Variants in TMEM114 observed in about 807,000 individuals in gnomAD.
TMEM114 encodes transmembrane protein 114, also known as claudin-26.
TMEM114 carries 6 observed loss-of-function variants against 6.2 expected under a neutral mutation model. The ratio of observed to expected loss-of-function variants is 0.97; its 90% CI spans 0.53 to 1.91. TMEM114 has a LOEUF of 1.91. Ranked by LOEUF, TMEM114 falls within the 40% of genes most tolerant of loss-of-function variation. TMEM114 has a pLI of 0.01. For missense variants in TMEM114, 218 were observed against 158.3 expected (o/e 1.38, Z -2.02); for synonymous variants, 104 against 73.0 (o/e 1.42, Z -2.16).
the TMEM114 span, among the ~76,000 whole-genome samples, chr16:8,530,407 A>G: frequency 6.6e-6 from 1 of 152,112 alleles, no homozygotes; most frequent in African/African-American, 2.4e-5. Context: ...GGACTAGTCT[A>G]GATTAGTTCT....
Position 8,569,989 on chromosome 16 carries a change from A to C in TMEM114, c.456T>G (p.Ala152=), listed in dbSNP as rs1175458238. 5.8e-6 allele frequency: 9 copies of C among 1,549,752 alleles called. No homozygotes were observed. In the South Asian group the frequency reaches 8.3e-5, roughly 14 times the overall value. Residue 152 remains alanine (A), a synonymous_variant, in exon 4 of 4, where the codon GCT becomes GCG. Coordinates refer to ENST00000620492, the MANE Select transcript of TMEM114 (RefSeq NM_001146336.2). ...AATACGCTATGTAGACGCTGATCCCAGCGAGGGTCACCATGGCTGCAGGGA... is the reference window on the plus strand; with the variant it reads ...AATACGCTATGTAGACGCTGATCCCCGCGAGGGTCACCATGGCTGCAGGGA... ...LFLFGAMVTL[A]GISVYIAYSA... is the part of the protein sequence containing the mutation.
chr16:8,558,704 A>G (rs192201328), intron 2 of TMEM114, among the ~76,000 whole-genome samples: 25 of 151,696 alleles, frequency 1.6e-4, no homozygotes, highest in Non-Finnish European at 2.8e-4. Flanking sequence ...CCCCATTGAC[A>G]GAAGGTGGAA....
chr16:8,531,543 G>A, the TMEM114 span, among the ~76,000 whole-genome samples: 5 of 152,188 alleles, frequency 3.3e-5, no homozygotes, highest in Admixed American at 1.3e-4. Context: ...AGATAGCAGA[G>A]GTAGAAGGGC....
chr16:8,528,191 A>G, the TMEM114 span, among the ~76,000 whole-genome samples: 1 of 152,122 alleles, frequency 6.6e-6, no homozygotes, highest in Non-Finnish European at 1.5e-5. Context: ...TTGAGCCACC[A>G]TGCCAGAACT....
At chr16:8,539,690 C>G (rs1267753841) in intron 2 of TMEM114, among the ~76,000 whole-genome samples, 1 of 151,866 alleles carries the variant, frequency 6.6e-6, no homozygotes, top group Non-Finnish European at 1.5e-5. Context: ...ACAAGCAAGA[C>G]AGATGTTGTT....
chr16:8,566,292 A>C (rs190922439), downstream of TMEM114, among the ~76,000 whole-genome samples: 589 of 151,656 alleles, frequency 3.9e-3, 5 homozygotes, highest in African/African-American at 0.014. Context: ...CAGGAGAATC[A>C]CTTGCACCTG....
chr16:8,534,053 T>C (rs146226823), downstream of TMEM114, among the ~76,000 whole-genome samples: 301 of 152,276 alleles, frequency 2.0e-3, 3 homozygotes, highest in East Asian at 0.022. Context: ...TCTCCCTCCT[T>C]CTGTCCCTGC....
At chr16:8,544,796 C>G (rs1486294219) in intron 2 of TMEM114, among the ~76,000 whole-genome samples, 1 of 152,094 alleles carries the variant, frequency 6.6e-6, no homozygotes, top group Non-Finnish European at 1.5e-5. Flanking sequence ...TTTGTTCAAC[C>G]CAATCAAATT....
downstream of TMEM114, among the ~76,000 whole-genome samples, chr16:8,566,989 C>T (rs146656204): frequency 9.1e-4 from 137 of 150,856 alleles, 1 homozygote; most frequent in African/African-American, 3.2e-3. Context: ...TAACCTCCAC[C>T]TCCTGGGTTC....
At chr16:8,544,553 C>T (rs563857946) in intron 2 of TMEM114, among the ~76,000 whole-genome samples, 3 of 152,268 alleles carry the variant, frequency 2.0e-5, no homozygotes, top group East Asian at 1.9e-4. Flanking sequence ...AGTCGGTAGA[C>T]GACCAACCTG....
intron 2 of TMEM114, among the ~76,000 whole-genome samples, chr16:8,561,333 T>C (rs1219619023): frequency 2.0e-5 from 3 of 152,226 alleles, no homozygotes; most frequent in Non-Finnish European, 4.4e-5. Context: ...GGACATTATT[T>C]TCATCGTACA....
At chr16:8,531,284 T>A in the TMEM114 span, among the ~76,000 whole-genome samples, 1 of 152,238 alleles carries the variant, frequency 6.6e-6, no homozygotes, top group Admixed American at 6.5e-5. Context: ...GAAGAATTTC[T>A]GTTCAAAATA....
At chr16:8,535,952 G>A (rs757378409), downstream of TMEM114, among the ~76,000 whole-genome samples, 20 of 152,124 alleles carry the variant, frequency 1.3e-4, no homozygotes, top group Non-Finnish European at 2.4e-4. Flanking sequence ...TGGGGAGGGC[G>A]CGGTGGCTTA....
chr16:8,589,446 C>G (rs976900258), intron 1 of TMEM114, among the ~76,000 whole-genome samples, 153 bp from the exon 2 acceptor site: 43 of 152,310 alleles, frequency 2.8e-4, no homozygotes, highest in South Asian at 8.3e-4. Flanking sequence ...GGGTGCCTCT[C>G]GGAAGGGTTT....
intron 2 of TMEM114, among the ~76,000 whole-genome samples, chr16:8,556,114 T>C (rs1002433791): frequency 1.3e-5 from 2 of 152,244 alleles, no homozygotes; most frequent in Admixed American, 6.5e-5. Context: ...CTCTTCTTCC[T>C]GCATCCATCA....
chr16:8,567,405 T>C (rs1453626993), downstream of TMEM114, among the ~76,000 whole-genome samples: 1 of 152,216 alleles, frequency 6.6e-6, no homozygotes, highest in Non-Finnish European at 1.5e-5. Flanking sequence ...ATTTATCAAA[T>C]GCATGAATGG....
At chr16:8,527,231 A>G in the TMEM114 span, among the ~76,000 whole-genome samples, 1 of 152,134 alleles carries the variant, frequency 6.6e-6, no homozygotes, top group East Asian at 1.9e-4. Flanking sequence ...TAAATAAATA[A>G]CTATTCCCTC....
intron 2 of TMEM114, among the ~76,000 whole-genome samples, chr16:8,537,998 T>G (rs1365458655): frequency 6.6e-6 from 1 of 151,906 alleles, no homozygotes; most frequent in African/African-American, 2.4e-5. Flanking sequence ...GGGGCAATAT[T>G]TAAACATTTT....
chr16:8,578,714 C>T (rs1902028414), intron 2 of TMEM114, among the ~76,000 whole-genome samples: 1 of 152,272 alleles, frequency 6.6e-6, no homozygotes, highest in Admixed American at 6.5e-5. Flanking sequence ...TGTGGTGGCC[C>T]ACACCTGTAA....
Sources: gnomAD v4.1 joint callset for allele counts (sites outside exome capture counted in the v4.1 genomes callset) on GRCh38, gnomAD v4.1.1 for gene constraint, MANE v1.5 for transcripts, NCBI Gene and HGNC (gene_info 2026-07-23, HGNC 2026-07-21) for gene names.